GRB10: variants seen among roughly 807,000 people sequenced by gnomAD.
GRB10 encodes the protein growth factor receptor-bound protein 10.
In GRB10, 20 loss-of-function variants were observed where a neutral mutation model predicts 80.9. The ratio of observed to expected loss-of-function variants is 0.25; its 90% CI spans 0.17 to 0.36. The LOEUF is 0.36. GRB10 is among the 10% of genes least tolerant of loss of function. GRB10 has a pLI of 1.00. For synonymous variants in GRB10, 291 were observed against 291.5 expected (o/e 1.00, Z 0.02); for missense variants, 548 against 747.7 (o/e 0.73, Z 3.12).
At chr7:50,637,639 G>A (rs779842479) in intron 7 of GRB10, among the ~76,000 whole-genome samples, 1 of 151,552 alleles carries the variant, frequency 6.6e-6, no homozygotes, top group Non-Finnish European at 1.5e-5. Flanking sequence ...GCAGTCTACA[G>A]ATTCAACATA....
At chr7:50,652,828 A>G (rs902160623) in intron 7 of GRB10, among the ~76,000 whole-genome samples, 2 of 152,144 alleles carry the variant, frequency 1.3e-5, no homozygotes, top group African/African-American at 4.8e-5. Context: ...CTTATTGCAC[A>G]CCAGGTTTAG....
chr7:50,679,371 G>A (rs2061310894), intron 5 of GRB10, among the ~76,000 whole-genome samples: 1 of 152,216 alleles, frequency 6.6e-6, no homozygotes, highest in East Asian at 1.9e-4. Flanking sequence ...AGAGGACAGA[G>A]AAACTCCGGG....
chr7:50,688,715 A>T (rs1005569153), intron 5 of GRB10, among the ~76,000 whole-genome samples: 1 of 146,622 alleles, frequency 6.8e-6, no homozygotes, highest in African/African-American at 2.6e-5. Flanking sequence ...AAAAAAAAAA[A>T]TCTGACAACC....
intron 5 of GRB10, among the ~76,000 whole-genome samples, chr7:50,690,559 T>C (rs1223854283): frequency 1.3e-5 from 2 of 152,248 alleles, no homozygotes; most frequent in Non-Finnish European, 2.9e-5. Flanking sequence ...GGTCCATATG[T>C]TGTGGATCAT....
At chr7:50,638,230 C>A (rs1368230893) in intron 7 of GRB10, among the ~76,000 whole-genome samples, 1 of 152,116 alleles carries the variant, frequency 6.6e-6, no homozygotes, top group African/African-American at 2.4e-5. Context: ...GAATTTATGA[C>A]TAAGCCCTCA....
intron 6 of GRB10, among the ~76,000 whole-genome samples, chr7:50,673,251 C>T (rs1008506072): frequency 6.6e-6 from 1 of 152,200 alleles, no homozygotes; most frequent in African/African-American, 2.4e-5. Flanking sequence ...GCAGAGATGG[C>T]TGTACATCCT....
chr7:50,679,455 T>C (rs766016122), intron 5 of GRB10, among the ~76,000 whole-genome samples: 1 of 152,222 alleles, frequency 6.6e-6, no homozygotes, highest in African/African-American at 2.4e-5. Flanking sequence ...CACCATCTAG[T>C]GTCTTCTTTA....
At chr7:50,769,174 C>T (rs2076705786) in intron 2 of GRB10, among the ~76,000 whole-genome samples, 1 of 152,236 alleles carries the variant, frequency 6.6e-6, no homozygotes, top group Admixed American at 6.5e-5. Flanking sequence ...CCACTCTTAG[C>T]ATTTCATTAC....
intron 8 of GRB10, 49 bp from the exon 9 acceptor site, chr7:50,619,334 T>G (rs1401354362): frequency 1.9e-6 from 2 of 1,069,560 alleles, no homozygotes; most frequent in East Asian, 4.7e-5. Flanking sequence ...GGGAAATTCA[T>G]GGTAGCTTTA....
chr7:50,654,175 C>G (rs2058359355), intron 7 of GRB10, among the ~76,000 whole-genome samples: 1 of 152,186 alleles, frequency 6.6e-6, no homozygotes, highest in Admixed American at 6.5e-5. Context: ...AGGAAGGAAG[C>G]AGCAGCATGT....
intron 4 of GRB10, among the ~76,000 whole-genome samples, chr7:50,711,902 C>A (rs1015869323): frequency 7.9e-5 from 12 of 152,252 alleles, no homozygotes; most frequent in African/African-American, 2.9e-4. Context: ...ACTGTTGCTA[C>A]CTCATCTTTA....
chr7:50,767,231 C>A (rs1275066135), intron 2 of GRB10, among the ~76,000 whole-genome samples: 2 of 152,136 alleles, frequency 1.3e-5, no homozygotes, highest in African/African-American at 4.8e-5. Context: ...ACCAGAATGC[C>A]CGCACAGATG....
chr7:50,669,729 G>A lies in GRB10; in HGVS notation c.497C>T (p.Ala166Val). 1 of 1,613,146 alleles carries A rather than the reference G, an allele frequency of 6.2e-7. No individual in the cohort carries two copies. The highest frequency in any genetic ancestry group is 8.5e-7 in the Non-Finnish European group (1 of 1,179,982). ...PGSLPPSQAA[A>V]KQDVKVFSED... ...AGCCAGGGGCACACTCACCTGCTTT[G>A]CGGCGGCCTGGCTCGGAGGTAAAGA... The change falls in exon 7 of 19, where the codon GCA becomes GTA. Residue 166 changes from alanine (A) to valine (V), a missense_variant. Transcript: ENST00000401949.
At chr7:50,648,195 T>C (rs574019704) in intron 7 of GRB10, among the ~76,000 whole-genome samples, 4 of 152,114 alleles carry the variant, frequency 2.6e-5, no homozygotes, top group African/African-American at 7.2e-5. Context: ...CCAGCAACGA[T>C]GGCTGAGAAG....
intron 7 of GRB10, among the ~76,000 whole-genome samples, chr7:50,668,070 A>G (rs947085095): frequency 1.3e-5 from 2 of 152,260 alleles, no homozygotes; most frequent in Non-Finnish European, 2.9e-5. Context: ...GACATGTGAC[A>G]AAGTGCACAA....
At chr7:50,602,667 T>G (rs2047808938) in intron 17 of GRB10, among the ~76,000 whole-genome samples, 1 of 152,238 alleles carries the variant, frequency 6.6e-6, no homozygotes, top group African/African-American at 2.4e-5. Flanking sequence ...ATGCCATTTG[T>G]GGGTCCTACC....
chr7:50,783,436 T>TCACACACA (rs10647493), upstream of GRB10, among the ~76,000 whole-genome samples: 25 of 150,102 alleles, frequency 1.7e-4, no homozygotes, highest in Admixed American at 3.3e-4. Flanking sequence ...CACACACACC[T>TCACACACA]CACACACACA....
Position 50,674,649 on chromosome 7 carries a change from A to G in GRB10, c.149T>C (p.Val50Ala). 2 of 1,613,758 alleles carry G rather than the reference A, an allele frequency of 1.2e-6. No individual in the cohort carries two copies. The highest frequency in any genetic ancestry group is 1.7e-6 in the Non-Finnish European group (2 of 1,179,982). Residue 50 changes from valine (V) to alanine (A), a missense_variant, in exon 6 of 19, where the codon GTG becomes GCG. Val to Ala is a moderately conservative substitution (Grantham distance 64). Around this residue, in one of 4 missense-constraint regions of GRB10, gnomAD observed 245 missense variants for 229.3 expected, o/e 1.07. Coordinates refer to ENST00000401949, the MANE Select transcript of GRB10 (RefSeq NM_001350814.2). Reference protein sequence around the residue: ...DRLANHQEDDVDLEALVNDMN... With the variant: ...DRLANHQEDDADLEALVNDMN... The stretch of plus-strand genomic sequence containing the variant: ...ATCGTTCACCAGGGCTTCCAGGTCC[A>G]CATCATCCTCTGCACAGAAAAAGGC...
chr7:50,727,330 G>C (rs1010667185), intron 4 of GRB10, among the ~76,000 whole-genome samples: 2 of 152,212 alleles, frequency 1.3e-5, no homozygotes, highest in African/African-American at 4.8e-5. Context: ...CCCATGGTTG[G>C]TTGTTGTACC....
Sources: allele counts gnomAD v4.1 joint callset (sites outside exome capture counted in the v4.1 genomes callset), GRCh38; gene constraint gnomAD v4.1.1; regional missense constraint gnomAD v4.1.1; transcripts MANE v1.5; gene names NCBI Gene and HGNC (gene_info 2026-07-23, HGNC 2026-07-21).